Variants in SPAG16 observed in about 807,000 individuals in gnomAD.
SPAG16 encodes sperm associated antigen 16.
SPAG16 carries 86 observed loss-of-function variants against 80.4 expected under a neutral mutation model. The observed-to-expected ratio is 1.07, with a 90% confidence interval of 0.90 to 1.28. The LOEUF is 1.28. SPAG16 is among the 50% of genes most tolerant of loss of function. SPAG16 has a pLI of 0.00. For synonymous variants in SPAG16, 294 were observed against 265.9 expected, an observed-to-expected ratio of 1.11 and a Z score of -1.03; for missense variants, 870 against 765.3, an observed-to-expected ratio of 1.14 and a Z score of -1.61.
At chr2:213,829,193 G>T (rs1393375810) in intron 10 of SPAG16, among the ~76,000 whole-genome samples, 1 of 152,154 alleles carries the variant, frequency 6.6e-6, no homozygotes, top group Non-Finnish European at 1.5e-5. Flanking sequence ...AGAAACCTTA[G>T]AAATTTCCCT....
chr2:214,226,885 A>C (rs2058709713), intron 15 of SPAG16, among the ~76,000 whole-genome samples: 1 of 151,984 alleles, frequency 6.6e-6, no homozygotes, highest in African/African-American at 2.4e-5. Context: ...ATTTCACCCC[A>C]TGCACTCTGA....
At chr2:213,656,899 T>G (rs187052316) in intron 10 of SPAG16, among the ~76,000 whole-genome samples, 1 of 152,194 alleles carries the variant, frequency 6.6e-6, no homozygotes, top group Non-Finnish European at 1.5e-5. Flanking sequence ...CTGTTCCATA[T>G]CAAAGAAATA....
In SPAG16 at chr2:213,377,676, C is replaced by G. The variant is rs12472422; in HGVS notation, c.942+2557C>G. The stretch of plus-strand genomic sequence containing the variant: ...CTCTTACTTTTTCCTCTTACTTTTT[C>G]CCTTACTTTTTCCCTAGTTTGCTAA... On this transcript the variant is annotated intron_variant, in intron 9 of 15. Coordinates refer to ENST00000331683, the MANE Select transcript of SPAG16 (RefSeq NM_024532.5). Among the ~76,000 whole-genome samples, 146 of 152,042 alleles carry G rather than the reference C, an allele frequency of 9.6e-4. 1 individual carries two copies. The highest frequency in any genetic ancestry group is 7.3e-3 in the Admixed American group (112 of 15,260).
intron 15 of SPAG16, among the ~76,000 whole-genome samples, chr2:214,289,925 T>TAGCC (rs1693666280): frequency 6.6e-6 from 1 of 152,176 alleles, no homozygotes; most frequent in Admixed American, 6.5e-5. Context: ...TGGGTAATGC[T>TAGCC]AGCCTCATAG....
At chr2:214,101,927 A>C (rs2125375545) in intron 13 of SPAG16, among the ~76,000 whole-genome samples, 1 of 152,240 alleles carries the variant, frequency 6.6e-6, no homozygotes, top group African/African-American at 2.4e-5. Context: ...AGTTGTTTAA[A>C]ATGTTAATAG....
chr2:213,488,797 G>A (rs1448093775), intron 9 of SPAG16, among the ~76,000 whole-genome samples: 2 of 151,880 alleles, frequency 1.3e-5, no homozygotes, highest in African/African-American at 2.4e-5. Context: ...ATTATTTCAC[G>A]CCAGAGGCGG....
At chr2:213,944,365 A>G (rs900078260) in intron 12 of SPAG16, among the ~76,000 whole-genome samples, 4 of 152,192 alleles carry the variant, frequency 2.6e-5, no homozygotes, top group Non-Finnish European at 5.9e-5. Context: ...TTGCCTTGCT[A>G]GGTTTTGGAG....
chr2:214,193,419 G>A (rs1053936253), intron 15 of SPAG16, among the ~76,000 whole-genome samples: 2 of 127,890 alleles, frequency 1.6e-5, no homozygotes, highest in East Asian at 2.2e-4. Context: ...GTGTGTGTGT[G>A]TGTGTATGAG....
chr2:213,909,415 C>T (rs577437673), intron 11 of SPAG16, among the ~76,000 whole-genome samples: 1 of 152,168 alleles, frequency 6.6e-6, no homozygotes, highest in Non-Finnish European at 1.5e-5. Context: ...GCCCGCATCG[C>T]CAAGTCAATC....
At chr2:213,750,634 CCTCT>C (rs887657114) in intron 10 of SPAG16, among the ~76,000 whole-genome samples, 37 of 152,288 alleles carry the variant, frequency 2.4e-4, no homozygotes, top group African/African-American at 8.7e-4. Context: ...CACTTCCTCA[CCTCT>C]CTCTATTCAA....
chr2:213,807,533 T>C (rs937962331), intron 10 of SPAG16, among the ~76,000 whole-genome samples: 1 of 152,160 alleles, frequency 6.6e-6, no homozygotes, highest in Non-Finnish European at 1.5e-5. Flanking sequence ...TGAGACTGAC[T>C]TGATGAATGG....
At chr2:214,018,460 G>A (rs1422915618) in intron 13 of SPAG16, among the ~76,000 whole-genome samples, 1 of 152,076 alleles carries the variant, frequency 6.6e-6, no homozygotes, top group Non-Finnish European at 1.5e-5. Context: ...ATTTTGAAAA[G>A]GGTAACCAGA....
At chr2:213,875,616 C>T (rs2076114090) in intron 11 of SPAG16, among the ~76,000 whole-genome samples, 1 of 152,134 alleles carries the variant, frequency 6.6e-6, no homozygotes, top group Non-Finnish European at 1.5e-5. Flanking sequence ...TTGGGTCTTA[C>T]ATTTAAAACA....
At chr2:214,221,997 T>G (rs1310215178) in intron 15 of SPAG16, among the ~76,000 whole-genome samples, 1 of 152,054 alleles carries the variant, frequency 6.6e-6, no homozygotes, top group Admixed American at 6.5e-5. Context: ...AAAATATGTG[T>G]TTTTGCCTAG....
At chr2:213,465,390 A>G (rs1665460518) in intron 9 of SPAG16, among the ~76,000 whole-genome samples, 1 of 152,140 alleles carries the variant, frequency 6.6e-6, no homozygotes, top group Non-Finnish European at 1.5e-5. Context: ...CCCTTGTTCT[A>G]CAAAAGAAAT....
chr2:213,535,212 A>G (rs2076201607), intron 10 of SPAG16, among the ~76,000 whole-genome samples: 1 of 152,156 alleles, frequency 6.6e-6, no homozygotes, highest in South Asian at 2.1e-4. Context: ...TGGCATACCA[A>G]GAAGCAGAAA....
chr2:214,105,916 G>A (rs986502488), intron 13 of SPAG16, among the ~76,000 whole-genome samples: 2 of 151,926 alleles, frequency 1.3e-5, no homozygotes, highest in African/African-American at 4.8e-5. Flanking sequence ...TTCGAGTCAG[G>A]TTTTGTTATA....
At chr2:213,421,342 C>T (rs939111470) in intron 9 of SPAG16, among the ~76,000 whole-genome samples, 2 of 152,218 alleles carry the variant, frequency 1.3e-5, no homozygotes, top group African/African-American at 4.8e-5. Flanking sequence ...CCATTTGGCC[C>T]CCTCCAGACA....
At chr2:213,815,302 C>T (rs1331298642) in intron 10 of SPAG16, among the ~76,000 whole-genome samples, 1 of 152,006 alleles carries the variant, frequency 6.6e-6, no homozygotes. Flanking sequence ...AGAAAGGTTG[C>T]CAGGAGCCAG....
Sources: allele counts gnomAD v4.1 joint callset (sites outside exome capture counted in the v4.1 genomes callset), GRCh38; gene constraint gnomAD v4.1.1; transcripts MANE v1.5; gene names NCBI Gene and HGNC (gene_info 2026-07-23, HGNC 2026-07-21).